Variants in ANKS1B observed in about 807,000 individuals in gnomAD.
ANKS1B encodes ankyrin repeat and sterile alpha motif domain containing 1B, also known as ankyrin repeat and sterile alpha motif domain-containing protein 1B.
A neutral mutation model predicts 148.3 loss-of-function variants in ANKS1B; 36 were observed. The observed-to-expected ratio is 0.24, with a 90% CI of 0.19 to 0.32. The LOEUF (loss-of-function observed/expected upper bound fraction) is 0.32. Ranked by LOEUF, ANKS1B falls within the 10% of genes least tolerant of loss-of-function variation. The probability of loss-of-function intolerance (pLI) is 1.00; values close to 1 mark genes in which losing one functional copy is unlikely to be tolerated. For synonymous variants in ANKS1B, 542 were observed against 560.8 expected (o/e 0.97, Z 0.47); for missense variants, 1,157 against 1,542.6 (o/e 0.75, Z 4.19).
chr12:99,706,871 A>G (rs2055865710), intron 8 of ANKS1B, among the ~76,000 whole-genome samples: 1 of 152,022 alleles, frequency 6.6e-6, no homozygotes, highest in Non-Finnish European at 1.5e-5. Context: ...TTGACAAACC[A>G]CAAGGAACTG....
chr12:99,720,806 TTCTCAACTACTCATACATGCCC>T, intron 8 of ANKS1B, among the ~76,000 whole-genome samples: 1 of 152,242 alleles, frequency 6.6e-6, no homozygotes, highest in South Asian at 2.1e-4. Flanking sequence ...CTATTCACCG[TTCTCAACTACTCATACATGCCC>T]TGCTCTTGTT....
In ANKS1B at chr12:99,631,397, C is replaced by T. The variant is rs550457021; in HGVS notation, c.1272+23670G>A. ...TTTGGAACTAGATAATGGGCAGAAG[C>T]TGGAAGAATTTGGAGGAGCAGGCTA... On this transcript the variant is annotated intron_variant, in intron 9 of 26. Transcript: ENST00000683438. Among the ~76,000 whole-genome samples the T allele has an allele frequency of 4.7e-4, 71 of 151,770 alleles. 1 individual carries two copies. The highest frequency in any genetic ancestry group is 1.6e-3 in the Admixed American group (24 of 15,220).
intron 17 of ANKS1B, among the ~76,000 whole-genome samples, chr12:98,842,477 A>T (rs1348338227): frequency 6.6e-6 from 1 of 152,228 alleles, no homozygotes; most frequent in Non-Finnish European, 1.5e-5. Flanking sequence ...GGGTTATGGA[A>T]ATGTTCTAAA....
chr12:99,000,438 T>G (rs909607676), intron 17 of ANKS1B, among the ~76,000 whole-genome samples: 25 of 152,116 alleles, frequency 1.6e-4, no homozygotes, highest in Non-Finnish European at 2.9e-4. Context: ...CTGGCTAATT[T>G]TTGTACTTTT....
chr12:98,782,104 C>T (rs776765592), intron 23 of ANKS1B, 22 bp downstream of exon 23: 1 of 1,591,568 alleles, frequency 6.3e-7, no homozygotes, highest in African/African-American at 1.3e-5. Context: ...AATAATCACA[C>T]TAAACATCAA....
intron 1 of ANKS1B, among the ~76,000 whole-genome samples, chr12:99,960,160 A>C (rs1215388919): frequency 6.6e-6 from 1 of 152,248 alleles, no homozygotes; most frequent in Non-Finnish European, 1.5e-5. Context: ...TATGTTTAGA[A>C]ATAATGTTTC....
At chr12:99,045,877 A>G (rs1442133029) in intron 17 of ANKS1B, among the ~76,000 whole-genome samples, 1 of 152,196 alleles carries the variant, frequency 6.6e-6, no homozygotes, top group Non-Finnish European at 1.5e-5. Flanking sequence ...CCTTAAATAG[A>G]AAAGATGAAG....
intron 8 of ANKS1B, among the ~76,000 whole-genome samples, chr12:99,758,824 T>C (rs1427726388): frequency 6.6e-6 from 1 of 151,894 alleles, no homozygotes. Context: ...TGATAATTAC[T>C]ATGACAGTAA....
chr12:99,299,280 T>C (rs2081300153), intron 12 of ANKS1B, among the ~76,000 whole-genome samples: 1 of 152,112 alleles, frequency 6.6e-6, no homozygotes, highest in South Asian at 2.1e-4. Context: ...AGGCTGGTCT[T>C]GAACTCCTGG....
downstream of ANKS1B, among the ~76,000 whole-genome samples, chr12:98,739,397 T>C (rs2097787609): frequency 6.6e-6 from 1 of 152,206 alleles, no homozygotes; most frequent in Non-Finnish European, 1.5e-5. Flanking sequence ...AGGAACATTC[T>C]GATAGAAGCC....
Position 98,763,529 on chromosome 12 carries a change from CA to C in ANKS1B, c.3579+9512del, listed in dbSNP as rs146059227. Among the ~76,000 whole-genome samples the C allele has an allele frequency of 6.0e-3, 909 of 152,248 alleles. 10 individuals are homozygous for C. Among genetic ancestry groups the C allele is most frequent in the African/African-American group, 0.021 (864 of 41,546 alleles). On this transcript the variant is annotated intron_variant, in intron 25 of 26. Coordinates refer to ENST00000683438, the MANE Select transcript of ANKS1B (RefSeq NM_001352186.2). ...GATTCCTTTATCTCCCTAATTATAACAGGGGCAGATGTAGAAAATTTTGAAA... is the reference window on the plus strand; with the variant it reads ...GATTCCTTTATCTCCCTAATTATAACGGGGCAGATGTAGAAAATTTTGAAA...
intron 16 of ANKS1B, among the ~76,000 whole-genome samples, chr12:99,069,289 T>C (rs1178859800): frequency 1.1e-4 from 17 of 152,206 alleles, no homozygotes; most frequent in African/African-American, 4.1e-4. Flanking sequence ...AAAAGTGATC[T>C]GGCTGAAGTG....
At chr12:99,803,355 C>T (rs922002747) in intron 4 of ANKS1B, among the ~76,000 whole-genome samples, 2 of 131,620 alleles carry the variant, frequency 1.5e-5, no homozygotes, top group African/African-American at 2.9e-5. Context: ...ATAACAAAAG[C>T]AAAATATCAA....
intron 1 of ANKS1B, among the ~76,000 whole-genome samples, chr12:99,951,971 A>G (rs1252065219): frequency 6.6e-6 from 1 of 152,228 alleles, no homozygotes; most frequent in African/African-American, 2.4e-5. Context: ...GGTTTCAGAC[A>G]TTGTATACAC....
chr12:99,570,402 C>T (rs551996666), intron 9 of ANKS1B, among the ~76,000 whole-genome samples: 4 of 151,816 alleles, frequency 2.6e-5, no homozygotes, highest in Admixed American at 2.6e-4. Flanking sequence ...AATCCCAGCA[C>T]TTTGGGAGGC....
intron 9 of ANKS1B, among the ~76,000 whole-genome samples, chr12:99,623,280 C>T (rs1421046249): frequency 6.6e-6 from 1 of 151,760 alleles, no homozygotes; most frequent in Non-Finnish European, 1.5e-5. Context: ...TCATCTATAA[C>T]AAACCCACAG....
At chr12:98,755,602 T>C (rs1252203918) in intron 25 of ANKS1B, among the ~76,000 whole-genome samples, 1 of 152,236 alleles carries the variant, frequency 6.6e-6, no homozygotes, top group Non-Finnish European at 1.5e-5. Context: ...GAGAACTTAA[T>C]AGGTGTGAGA....
At chr12:99,647,545 G>C (rs1171744410) in intron 9 of ANKS1B, among the ~76,000 whole-genome samples, 1 of 152,064 alleles carries the variant, frequency 6.6e-6, no homozygotes, top group Non-Finnish European at 1.5e-5. Flanking sequence ...CAATTTGCCA[G>C]AATGCATTAA....
At chr12:99,803,633 A>T (rs1412718900) in intron 4 of ANKS1B, among the ~76,000 whole-genome samples, 1 of 152,212 alleles carries the variant, frequency 6.6e-6, no homozygotes, top group Non-Finnish European at 1.5e-5. Context: ...AGGAATGACA[A>T]TGGCAATGAT....
Sources: gnomAD v4.1 joint callset for allele counts (sites outside exome capture counted in the v4.1 genomes callset) on GRCh38, gnomAD v4.1.1 for gene constraint, MANE v1.5 for transcripts, NCBI Gene and HGNC (gene_info 2026-07-23, HGNC 2026-07-21) for gene names.